The following GAS7 variants were observed in gnomAD, a reference collection of about 807,000 sequenced individuals.
The protein encoded by GAS7 is growth arrest specific 7.
Under a neutral mutation model 71.1 loss-of-function variants are expected in GAS7, and 28 were observed. The observed-to-expected ratio is 0.39, with a 90% CI of 0.29 to 0.54. The LOEUF is 0.54. Ranked by LOEUF, GAS7 falls within the 20% of genes least tolerant of loss-of-function variation. GAS7 has a pLI of 0.62. For synonymous variants in GAS7, 258 were observed against 245.8 expected, an observed-to-expected ratio of 1.05 and a Z score of -0.46; for missense variants, 436 against 627.8, an observed-to-expected ratio of 0.69 and a Z score of 3.27.
Position 9,911,601 on chromosome 17 carries a change from C to T in GAS7, c.*5627G>A. The T allele has an allele frequency of 4.3e-6, 1 of 233,086 alleles. No homozygotes were observed. 14.4% of individuals were successfully genotyped at this position (233,086 alleles called of 1,614,324 possible). On this transcript the variant is annotated 3_prime_UTR_variant, in exon 14 of 14. Coordinates refer to ENST00000432992, the MANE Select transcript of GAS7 (RefSeq NM_201433.2). This position sits in a 1 kb window ranked among gnomAD's most constrained non-coding sequence, Gnocchi z 4.0. ...GCCCTCTGTCTGATTCTCGCTCTAA[C>T]CTGCTGCAATGGGAATTGCTTCTTC...
intron 1 of GAS7, among the ~76,000 whole-genome samples, chr17:10,097,486 C>A (rs1395629312): frequency 6.6e-6 from 1 of 152,156 alleles, no homozygotes; most frequent in East Asian, 1.9e-4. Flanking sequence ...AAAAGCAGGG[C>A]GAGCAGGACA....
chr17:10,075,962 C>T (rs907442358), intron 1 of GAS7, among the ~76,000 whole-genome samples: 5 of 148,692 alleles, frequency 3.4e-5, no homozygotes, highest in Non-Finnish European at 4.5e-5. Flanking sequence ...ATTAACCAGG[C>T]GTGGTGGCAC....
intron 1 of GAS7, among the ~76,000 whole-genome samples, chr17:10,041,801 A>G (rs1303316915): frequency 6.6e-6 from 1 of 152,204 alleles, no homozygotes; most frequent in Non-Finnish European, 1.5e-5. Context: ...CGAACGGCAG[A>G]CAGCAGAGAA....
intron 1 of GAS7, among the ~76,000 whole-genome samples, chr17:10,138,792 C>CAA (rs959073195): frequency 2.0e-5 from 3 of 151,494 alleles, no homozygotes; most frequent in Non-Finnish European, 4.4e-5. Context: ...CAAAACAAAA[C>CAA]AAAAAAAACA....
intron 1 of GAS7, among the ~76,000 whole-genome samples, chr17:10,159,790 T>TTTTC (rs1011164723): frequency 2.7e-5 from 4 of 150,724 alleles, no homozygotes; most frequent in Non-Finnish European, 5.9e-5. Context: ...TGTGACCTTT[T>TTTTC]TTTTTTTTTT....
intron 1 of GAS7, among the ~76,000 whole-genome samples, chr17:10,129,432 G>A (rs2073978775): frequency 6.6e-6 from 1 of 152,160 alleles, no homozygotes; most frequent in Non-Finnish European, 1.5e-5. Flanking sequence ...CTACTTGGGA[G>A]GCTGAGGTGG....
At position 9,919,146 on chromosome 17, in the gene GAS7, G is replaced by A. The variant is rs1363121284; in HGVS notation, c.1218+480C>T. Among the ~76,000 whole-genome samples, 3 of 149,942 alleles carry A rather than the reference G, an allele frequency of 2.0e-5. No homozygotes were observed. The highest frequency in any genetic ancestry group is 3.0e-5 in the Non-Finnish European group (2 of 67,294). ...CAAGAAATACTCAAGAGCATCATCG[G>A]CCCTGCCGCCTGTTGTTCACCCTTG... On this transcript the variant is annotated intron_variant, in intron 12 of 13. Transcript: ENST00000432992. This position sits in a 1 kb window ranked among gnomAD's most constrained non-coding sequence, Gnocchi z 5.0.
chr17:9,913,630 C>G lies in GAS7; in HGVS notation c.*3598G>C, dbSNP rs2067498985. ...CACTGCCTCCCACCGCAGAAATTCT[C>G]CTTGGCCAACAGGGTGCTGAGTGGA... is the stretch of plus-strand genomic sequence containing the variant. On this transcript the variant is annotated 3_prime_UTR_variant, in exon 14 of 14. Coordinates refer to ENST00000432992, the MANE Select transcript of GAS7 (RefSeq NM_201433.2). 1 of 230,922 alleles carries G rather than the reference C, an allele frequency of 4.3e-6. No individual in the cohort carries two copies. Among genetic ancestry groups the G allele is most frequent in the South Asian group, 1.8e-4 (1 of 5,498 alleles). The allele number at this position is 230,922 out of a possible 1,614,324, so 14.3% of individuals were successfully genotyped here.
chr17:10,192,232 C>A (rs1322771869), intron 1 of GAS7, among the ~76,000 whole-genome samples: 4 of 152,192 alleles, frequency 2.6e-5, no homozygotes, highest in African/African-American at 9.7e-5. Flanking sequence ...ACCCCAGAAG[C>A]CTCGCCATTG....
chr17:10,085,028 C>T (rs555340798), intron 1 of GAS7, among the ~76,000 whole-genome samples: 5 of 152,272 alleles, frequency 3.3e-5, no homozygotes, highest in South Asian at 2.1e-4. Flanking sequence ...ACAGGCCTGA[C>T]CATGCTGTTT....
intron 11 of GAS7, among the ~76,000 whole-genome samples, chr17:9,920,988 C>G (rs2067785185): frequency 6.6e-6 from 1 of 152,056 alleles, no homozygotes; most frequent in Non-Finnish European, 1.5e-5. Flanking sequence ...GAACCATACC[C>G]CTAGCTATGC....
chr17:10,152,647 G>C (rs1213850267), intron 1 of GAS7, among the ~76,000 whole-genome samples: 5 of 152,192 alleles, frequency 3.3e-5, no homozygotes, highest in Non-Finnish European at 5.9e-5. Flanking sequence ...TGACGGTGGA[G>C]AGCAAGATGG....
chr17:10,143,291 A>G (rs1382736238), intron 1 of GAS7, among the ~76,000 whole-genome samples: 1 of 149,290 alleles, frequency 6.7e-6, no homozygotes, highest in East Asian at 2.0e-4. Context: ...CTGCAATCCC[A>G]GCACTTTGGG....
intron 1 of GAS7, among the ~76,000 whole-genome samples, chr17:10,084,063 G>A (rs1173207903): frequency 6.6e-6 from 1 of 152,186 alleles, no homozygotes; most frequent in Non-Finnish European, 1.5e-5. Context: ...CTCTCACAGG[G>A]AGGCTGCGGC....
intron 1 of GAS7, among the ~76,000 whole-genome samples, chr17:10,045,922 G>A (rs1251850761): frequency 6.6e-6 from 1 of 152,040 alleles, no homozygotes. Flanking sequence ...AATGTAGTCT[G>A]GCCCTAAGCA....
Position 9,945,236 on chromosome 17 carries a change from G to A in GAS7, c.615+1658C>T, listed in dbSNP as rs565950560. On this transcript the variant is annotated intron_variant, in intron 6 of 13. Coordinates refer to ENST00000432992, the MANE Select transcript of GAS7 (RefSeq NM_201433.2). The stretch of plus-strand genomic sequence containing the variant: ...CCAGGTACATCTCTCCCTCTCTGCC[G>A]CCACCACCATCTTTCCTGGTCTCTT... 3.3e-5 allele frequency among the ~76,000 whole-genome samples: 5 copies of A among 151,926 alleles called. No individual in the cohort carries two copies. In the East Asian group the frequency reaches 7.8e-4, roughly 24 times the overall value.
In GAS7 at chr17:9,926,905, G is replaced by A. The variant is rs551233654; in HGVS notation, c.886-136C>T. Reference sequence around the variant, plus strand: ...GTCTGGGGTAGCGACCTGGCAGGAAGGTGAGAGACACCCCCTGACACGTGG... The same window carrying A: ...GTCTGGGGTAGCGACCTGGCAGGAAAGTGAGAGACACCCCCTGACACGTGG... On this transcript the variant is annotated intron_variant, in intron 9 of 13. Transcript: ENST00000432992. This position sits in a 1 kb window ranked among gnomAD's most constrained non-coding sequence, Gnocchi z 5.0. 6.1e-5 allele frequency: 53 copies of A among 865,742 alleles called. No individual in the cohort carries two copies. In the African/African-American group the frequency reaches 8.4e-4, roughly 14 times the overall value. 53.6% of individuals were successfully genotyped at this position (865,742 alleles called of 1,614,324 possible).
rs927892303 is a variant in GAS7 at position 10,181,466 on chromosome 17, C to T, written c.183+16742G>A. Among the ~76,000 whole-genome samples, 8 of 151,816 alleles carry T rather than the reference C, an allele frequency of 5.3e-5. No individual in the cohort carries two copies. The South Asian group carries it at 8.3e-4, about 16-fold the overall frequency. On this transcript the variant is annotated intron_variant, in intron 1 of 13. Transcript: ENST00000432992. ...AGAGGATGGGGGAGGAGGGTTACTT[C>T]GAGGAACAGGAACAGCATGCACAGG...
chr17:9,940,430 G>T (rs2068560690), intron 7 of GAS7, among the ~76,000 whole-genome samples: 1 of 152,194 alleles, frequency 6.6e-6, no homozygotes, highest in Admixed American at 6.5e-5. Context: ...TGCAAAGTAG[G>T]ACATTTTCTC....
Sources: gnomAD v4.1 joint callset for allele counts (sites outside exome capture counted in the v4.1 genomes callset) on GRCh38, gnomAD v4.1.1 for gene constraint, Gnocchi (gnomAD v3.1) non-coding constraint, MANE v1.5 for transcripts, NCBI Gene and HGNC (gene_info 2026-07-23, HGNC 2026-07-21) for gene names.